The following KANSL1 variants were observed in gnomAD, a reference collection of about 807,000 sequenced individuals.
The protein encoded by KANSL1 is MLL1/MLL complex subunit KANSL1.
In KANSL1, 22 loss-of-function variants were observed where a neutral mutation model predicts 103.6. The ratio of observed to expected loss-of-function variants is 0.21; its 90% confidence interval spans 0.15 to 0.30. KANSL1 has a LOEUF of 0.30. Among genes scored for constraint, KANSL1 ranks in the 10% least tolerant of loss-of-function variants. The pLI is 1.00. For synonymous variants in KANSL1, 600 were observed against 527.6 expected (o/e 1.14, Z -1.88); for missense variants, 1,337 against 1,399.8 (o/e 0.96, Z 0.72).
intron 2 of KANSL1, among the ~76,000 whole-genome samples, chr17:46,142,838 A>G (rs778682083): frequency 6.6e-6 from 1 of 152,240 alleles, no homozygotes; most frequent in Non-Finnish European, 1.5e-5. Flanking sequence ...CTAACAAGAT[A>G]TATCTGTAGT....
intron 2 of KANSL1, among the ~76,000 whole-genome samples, chr17:46,117,112 T>C (rs1460483190): frequency 6.6e-6 from 1 of 152,234 alleles, no homozygotes; most frequent in East Asian, 1.9e-4. Flanking sequence ...CTGAGGGAGC[T>C]TGTGACCACT....
At chr17:46,065,453 GAAC>G (rs778124773) in intron 6 of KANSL1, among the ~76,000 whole-genome samples, 5 of 152,126 alleles carry the variant, frequency 3.3e-5, no homozygotes, top group Non-Finnish European at 5.9e-5. Context: ...AAGAATGAAT[GAAC>G]AACAACAAAA....
At chr17:46,072,473 A>C (rs2078613394) in intron 4 of KANSL1, among the ~76,000 whole-genome samples, 1 of 152,104 alleles carries the variant, frequency 6.6e-6, no homozygotes, top group Non-Finnish European at 1.5e-5. Flanking sequence ...ACAGGAATTT[A>C]ACTTATTCCT....
At chr17:46,084,052 C>T (rs1438251136) in intron 3 of KANSL1, among the ~76,000 whole-genome samples, 1 of 148,284 alleles carries the variant, frequency 6.7e-6, no homozygotes, top group East Asian at 1.9e-4. Flanking sequence ...CCTCCCTATT[C>T]TGGAATATGA....
intron 2 of KANSL1, chr17:46,170,628 A>C (rs984977527): frequency 2.7e-5 from 14 of 518,972 alleles, no homozygotes; most frequent in Admixed American, 3.6e-5. Flanking sequence ...AGACTTCAAA[A>C]GGAAATTACC....
chr17:46,077,897 A>G (rs1180815408), intron 4 of KANSL1, among the ~76,000 whole-genome samples: 1 of 152,080 alleles, frequency 6.6e-6, no homozygotes, highest in Non-Finnish European at 1.5e-5. Context: ...TTTAAATTCA[A>G]AAATCCAGTC....
intron 6 of KANSL1, among the ~76,000 whole-genome samples, chr17:46,051,972 G>A (rs1373209126): frequency 6.6e-6 from 1 of 152,152 alleles, no homozygotes; most frequent in Non-Finnish European, 1.5e-5. Context: ...CACTGAAAGG[G>A]AGTGATACCA....
chr17:46,213,969 T>C (rs1004745700), intron 1 of KANSL1, among the ~76,000 whole-genome samples: 3 of 151,674 alleles, frequency 2.0e-5, no homozygotes, highest in Admixed American at 2.0e-4. Flanking sequence ...ATTCTAAAAA[T>C]CAATTCCCTG....
At chr17:46,091,254 T>C (rs751066410) in intron 3 of KANSL1, among the ~76,000 whole-genome samples, 1 of 152,182 alleles carries the variant, frequency 6.6e-6, no homozygotes, top group African/African-American at 2.4e-5. Context: ...GTTTTAAAGA[T>C]AGAAAAAAGC....
chr17:46,091,767 G>T (rs574673052), intron 3 of KANSL1, among the ~76,000 whole-genome samples: 2 of 143,176 alleles, frequency 1.4e-5, no homozygotes, highest in African/African-American at 4.9e-5. Flanking sequence ...GTGAATAGCA[G>T]GCCATACCAC....
intron 2 of KANSL1, among the ~76,000 whole-genome samples, chr17:46,107,077 G>A (rs906524697): frequency 2.0e-5 from 3 of 152,214 alleles, no homozygotes; most frequent in African/African-American, 7.2e-5. Flanking sequence ...CCGAAAGAAG[G>A]TAACCCAAGT....
At chr17:46,166,159 G>A (rs1461284487) in intron 2 of KANSL1, among the ~76,000 whole-genome samples, 1 of 148,618 alleles carries the variant, frequency 6.7e-6, no homozygotes, top group Non-Finnish European at 1.5e-5. Context: ...ATTGCAGTGA[G>A]CCGAGATCAT....
chr17:46,135,522 T>A (rs2044086945), intron 2 of KANSL1, among the ~76,000 whole-genome samples: 1 of 150,158 alleles, frequency 6.7e-6, no homozygotes. Context: ...GGTGACAGAT[T>A]TTTTTCCCCT....
chr17:46,162,545 G>T (rs563244475), intron 2 of KANSL1, among the ~76,000 whole-genome samples: 1 of 152,162 alleles, frequency 6.6e-6, no homozygotes, highest in African/African-American at 2.4e-5. Context: ...AAAAATCTGG[G>T]AATCACCCAT....
At chr17:46,159,321 A>G (rs965929392) in intron 2 of KANSL1, among the ~76,000 whole-genome samples, 7 of 152,266 alleles carry the variant, frequency 4.6e-5, no homozygotes, top group Non-Finnish European at 8.8e-5. Flanking sequence ...GACAAAATGT[A>G]ACAATTCTTA....
chr17:46,127,948 C>A (rs1324419600), intron 2 of KANSL1, among the ~76,000 whole-genome samples: 1 of 152,062 alleles, frequency 6.6e-6, no homozygotes, highest in African/African-American at 2.4e-5. Flanking sequence ...TAGAACATCA[C>A]AATAACTACG....
intron 2 of KANSL1, among the ~76,000 whole-genome samples, chr17:46,117,676 C>G (rs2043103836): frequency 6.6e-6 from 1 of 152,086 alleles, no homozygotes; most frequent in Non-Finnish European, 1.5e-5. Flanking sequence ...ACTGATGGAT[C>G]TGACTAAAGA....
intron 3 of KANSL1, among the ~76,000 whole-genome samples, chr17:46,083,469 G>C (rs1031630511): frequency 1.3e-5 from 2 of 152,100 alleles, no homozygotes; most frequent in African/African-American, 4.8e-5. Context: ...TACTGGCTTA[G>C]GTCCAACATC....
At chr17:46,039,275 G>A (rs554654193) in intron 8 of KANSL1, 60 bp from the exon 9 acceptor site, 35 of 1,461,908 alleles carry the variant, frequency 2.4e-5, no homozygotes, top group Middle Eastern at 2.3e-4. Context: ...TTTCTTATTC[G>A]AGTTCCAAGC....
Sources: gnomAD v4.1 joint callset for allele counts (sites outside exome capture counted in the v4.1 genomes callset) on GRCh38, gnomAD v4.1.1 for gene constraint, MANE v1.5 for transcripts, NCBI Gene and HGNC (gene_info 2026-07-23, HGNC 2026-07-21) for gene names.